Variants in ZNF233 observed in about 807,000 individuals in gnomAD.
ZNF233 encodes the protein zinc finger protein 233.
In ZNF233, 7 loss-of-function variants were observed where a neutral mutation model predicts 11.6. The ratio of observed to expected loss-of-function variants is 0.60; its 90% CI spans 0.34 to 1.13. The LOEUF (loss-of-function observed/expected upper bound fraction) is 1.13. ZNF233 is among the 50% of genes most tolerant of loss of function. The pLI is 0.03. For missense variants in ZNF233, 711 were observed against 785.5 expected (o/e 0.91, Z 1.13); for synonymous variants, 226 against 268.5 (o/e 0.84, Z 1.55).
At chr19:44,265,805 G>C (rs536666074) in intron 2 of ZNF233, among the ~76,000 whole-genome samples, 3 of 152,270 alleles carry the variant, frequency 2.0e-5, no homozygotes, top group South Asian at 4.1e-4. Flanking sequence ...TACTATAAAC[G>C]TGCATGTACA....
At position 44,274,711 on chromosome 19, in the gene ZNF233, G is replaced by A; in HGVS notation, c.*38G>A. ...TATTAATCATGATGAGTGTGATAGG[G>A]GTGCTCTTCAAGACTTAGACTTCCC... On this transcript the variant is annotated 3_prime_UTR_variant, in exon 5 of 5. Transcript: ENST00000683810. 6.7e-7 allele frequency: 1 copy of A among 1,483,392 alleles called. No homozygotes were observed. Among genetic ancestry groups the A allele is most frequent in the Non-Finnish European group, 9.1e-7 (1 of 1,100,078 alleles). 91.9% of individuals were successfully genotyped at this position (1,483,392 alleles called of 1,614,324 possible).
chr19:44,260,084 C>T (rs1164469277), intron 1 of ZNF233, 146 bp downstream of exon 1: 1 of 289,124 alleles, frequency 3.5e-6, no homozygotes, highest in Non-Finnish European at 7.1e-6. Flanking sequence ...TAGGGCGGTG[C>T]ATGGGTCTCC....
In ZNF233 at chr19:44,273,323, A is replaced by G; in HGVS notation, c.663A>G (p.Gln221=). Residue 221 remains glutamine (Q), a synonymous_variant, in exon 5 of 5, where the codon CAA becomes CAG. Coordinates refer to ENST00000683810, the MANE Select transcript of ZNF233 (RefSeq NM_001207005.2). The part of the protein sequence containing the change: ...DHCVRQRIAH[Q]HDDHGVHKRE... ...GTGTTAGGCAAAGAATTGCTCATCA[A>G]CATGATGATCATGGAGTACACAAAA... is the stretch of plus-strand genomic sequence containing the variant. 1 of 1,614,196 alleles carries G rather than the reference A, an allele frequency of 6.2e-7. No individual in the cohort carries two copies. Among genetic ancestry groups the G allele is most frequent in the Non-Finnish European group, 8.5e-7 (1 of 1,180,036 alleles).
intron 1 of ZNF233, among the ~76,000 whole-genome samples, chr19:44,263,840 G>T (rs1345373010): frequency 6.6e-6 from 1 of 152,230 alleles, no homozygotes; most frequent in Non-Finnish European, 1.5e-5. Context: ...AATATCATCT[G>T]CTTTTCTGCA....
Position 44,274,658 on chromosome 19 carries a change from A to G in ZNF233, c.1998A>G (p.Ser666=). 1 of 1,601,804 alleles carries G rather than the reference A, an allele frequency of 6.2e-7. No homozygotes were observed. Among genetic ancestry groups the G allele is most frequent in the Non-Finnish European group, 8.5e-7 (1 of 1,172,272 alleles). The change falls in exon 5 of 5, where the codon TCA becomes TCG. Residue 666 remains serine (S), a synonymous_variant. Coordinates refer to ENST00000683810, the MANE Select transcript of ZNF233 (RefSeq NM_001207005.2). ...GTAAGAGTTCGTTGTCTTCAGATTC[A>G]TCAGAGAGTCCATGATGGTGATGAA... The part of the protein sequence containing the change: ...GFSKSSLSSD[S]SESP
At chr19:44,268,405 A>G (rs1975151125) in intron 4 of ZNF233, among the ~76,000 whole-genome samples, 5 of 152,078 alleles carry the variant, frequency 3.3e-5, no homozygotes, top group Admixed American at 3.3e-4. Flanking sequence ...GCTGGAGTGC[A>G]GTGATACAAT....
intron 1 of ZNF233, among the ~76,000 whole-genome samples, chr19:44,260,934 C>T (rs535030631): frequency 1.3e-5 from 2 of 152,232 alleles, no homozygotes; most frequent in Admixed American, 6.5e-5. Context: ...GCCAGGGTCT[C>T]TTCTATAGGC....
At position 44,273,810 on chromosome 19, in the gene ZNF233, G is replaced by C; in HGVS notation, c.1150G>C (p.Asp384His). 1 of 1,614,072 alleles carries C rather than the reference G, an allele frequency of 6.2e-7. No individual in the cohort carries two copies. The highest frequency in any genetic ancestry group is 8.5e-7 in the Non-Finnish European group (1 of 1,180,012). The change falls in exon 5 of 5, where the codon GAT (aspartate) becomes CAT (histidine). Residue 384 changes from aspartate to histidine, a missense_variant. Coordinates refer to ENST00000683810, the MANE Select transcript of ZNF233 (RefSeq NM_001207005.2). Reference sequence around the variant, plus strand: ...TGGGAAGGGCTTCCATCATAGCTTAGATTTTGACATTCACTGTGTAGACAG... The same window carrying C: ...TGGGAAGGGCTTCCATCATAGCTTACATTTTGACATTCACTGTGTAGACAG... ...RCGKGFHHSL[D>H]FDIHCVDSAG...
At position 44,273,541 on chromosome 19, in the gene ZNF233, G is replaced by A. The variant is rs1975302626; in HGVS notation, c.881G>A (p.Gly294Asp). Residue 294 changes from glycine (G) to aspartate (D), a missense_variant, in exon 5 of 5, where the codon GGC (glycine) becomes GAC (aspartate). Transcript: ENST00000683810. Reference protein sequence around the residue: ...KPHVNVEYGKGIGYSSGLPRH... With the variant: ...KPHVNVEYGKDIGYSSGLPRH... ...CATGTAAATGTTGAGTACGGGAAGG[G>A]CATAGGTTACAGCTCAGGGCTTCCC... 6.2e-7 allele frequency: 1 copy of A among 1,614,194 alleles called. No individual in the cohort carries two copies. Among genetic ancestry groups the A allele is most frequent in the Middle Eastern group, 1.6e-4 (1 of 6,062 alleles).
rs752508867 is a variant in ZNF233 at position 44,273,904 on chromosome 19, C to T, written c.1244C>T (p.Ala415Val). 5.0e-6 allele frequency: 8 copies of T among 1,614,182 alleles called. No individual in the cohort carries two copies. The highest frequency in any genetic ancestry group is 6.8e-6 in the Non-Finnish European group (8 of 1,180,048). The change falls in exon 5 of 5, where the codon GCC (alanine) becomes GTC (valine). Residue 415 changes from alanine to valine, a missense_variant. Physicochemically the swap from Ala to Val is moderately conservative, Grantham distance 64. Transcript: ENST00000683810. Reference protein sequence around the residue: ...KGFSQTSQLQAHQRGHSRDKT... With the variant: ...KGFSQTSQLQVHQRGHSRDKT... ...TTCAGTCAGACATCACAACTTCAAG[C>T]CCATCAGAGAGGTCACTCTAGAGAC...
At chr19:44,268,786 TCTTC>T (rs1168864966) in intron 4 of ZNF233, among the ~76,000 whole-genome samples, 16 of 152,160 alleles carry the variant, frequency 1.1e-4, no homozygotes, top group African/African-American at 2.7e-4. Flanking sequence ...CTATTCTTTC[TCTTC>T]CTTATTTCAT....
Position 44,273,791 on chromosome 19 carries a change from G to A in ZNF233, c.1131G>A (p.Lys377=), listed in dbSNP as rs1975311220. The change falls in exon 5 of 5, where the codon AAG becomes AAA. Residue 377 remains lysine, a synonymous_variant. Coordinates refer to ENST00000683810, the MANE Select transcript of ZNF233 (RefSeq NM_001207005.2). ...EKLCTCGRCG[K]GFHHSLDFDI... Reference sequence around the variant, plus strand: ...TGTGTACATGTGGCAGGTGTGGGAAGGGCTTCCATCATAGCTTAGATTTTG... The same window carrying A: ...TGTGTACATGTGGCAGGTGTGGGAAAGGCTTCCATCATAGCTTAGATTTTG... The A allele has an allele frequency of 1.9e-6, 3 of 1,614,062 alleles. No individual in the cohort carries two copies. The Admixed American group carries it at 5.0e-5, about 27-fold the overall frequency.
chr19:44,263,288 C>T (rs535156896), intron 1 of ZNF233, among the ~76,000 whole-genome samples: 1 of 152,284 alleles, frequency 6.6e-6, no homozygotes, highest in East Asian at 1.9e-4. Flanking sequence ...GTATCACCCC[C>T]AAAAGAAACC....
intron 4 of ZNF233, chr19:44,267,287 C>A: frequency 2.5e-6 from 1 of 403,702 alleles, no homozygotes; most frequent in Non-Finnish European, 4.4e-6. Flanking sequence ...CTATCCTTTG[C>A]TTTTCACTCA....
chr19:44,266,909 A>C lies in ZNF233; in HGVS notation c.186A>C (p.Lys62Asn), dbSNP rs754445299. 2 of 1,614,088 alleles carry C rather than the reference A, an allele frequency of 1.2e-6. No individual in the cohort carries two copies. Among genetic ancestry groups the C allele is most frequent in the South Asian group, 2.2e-5 (2 of 91,068 alleles). Residue 62 changes from lysine to asparagine, a missense_variant, in exon 4 of 5, where the codon AAA (lysine) becomes AAC (asparagine). Transcript: ENST00000683810. ...TAGATGTGATATTACAGTTGGGAAA[A>C]GAAGACAAGCTTCGGATGATGGAGA... ...FKLDVILQLG[K>N]EDKLRMMETE...
chr19:44,266,927 G>A lies in ZNF233; in HGVS notation c.204G>A (p.Met68Ile). 6.2e-7 allele frequency: 1 copy of A among 1,614,046 alleles called. No homozygotes were observed. Among genetic ancestry groups the A allele is most frequent in the Non-Finnish European group, 8.5e-7 (1 of 1,179,954 alleles). The change falls in exon 4 of 5, where the codon ATG becomes ATA. Residue 68 changes from methionine to isoleucine, a missense_variant. Met to Ile is a conservative substitution (Grantham distance 10). Coordinates refer to ENST00000683810, the MANE Select transcript of ZNF233 (RefSeq NM_001207005.2). ...TGGGAAAAGAAGACAAGCTTCGGAT[G>A]ATGGAGACAGAAATCCAAGGAGATG... is the stretch of plus-strand genomic sequence containing the variant. ...LQLGKEDKLR[M>I]METEIQGDGC...
chr19:44,272,637 A>G (rs1975267648), intron 4 of ZNF233, among the ~76,000 whole-genome samples: 1 of 152,124 alleles, frequency 6.6e-6, no homozygotes, highest in South Asian at 2.1e-4. Context: ...CGGGAGGCCG[A>G]GGCAGGAGAA....
At position 44,259,948 on chromosome 19, in the gene ZNF233, C is replaced by A. The variant is rs1266531969; in HGVS notation, c.-48+10C>A. On this transcript the variant is annotated intron_variant, in intron 1 of 4. Coordinates refer to ENST00000683810, the MANE Select transcript of ZNF233 (RefSeq NM_001207005.2). ...CTATCCCCTCTGGGAGGTGAGTCAG[C>A]GCGGAACCTCTGCATCTACGGCGAG... 2.2e-6 allele frequency: 1 copy of A among 455,560 alleles called. No individual in the cohort carries two copies. The highest frequency in any genetic ancestry group is 1.6e-5 in the South Asian group (1 of 64,424). 28.2% of individuals were successfully genotyped at this position (455,560 alleles called of 1,614,324 possible). A position where few individuals can be genotyped will look rare whatever the true frequency, so the allele number is the denominator to read the frequency against.
rs141851681 is a variant in ZNF233 at position 44,274,452 on chromosome 19, A to T, written c.1792A>T (p.Arg598Trp). 9.9e-5 allele frequency: 159 copies of T among 1,613,692 alleles called. No individual in the cohort carries two copies. Among genetic ancestry groups the T allele is most frequent in the Non-Finnish European group, 1.3e-4 (154 of 1,179,942 alleles). The stretch of plus-strand genomic sequence containing the variant: ...GAAACCATACAAATGTGAAGAATGT[A>T]GGAAAGGCTTCATCTGGAACTCATA... ...GEKPYKCEEC[R>W]KGFIWNSYLH... The change falls in exon 5 of 5, where the codon AGG becomes TGG. Residue 598 changes from arginine to tryptophan, a missense_variant. Transcript: ENST00000683810.
Sources: allele counts gnomAD v4.1 joint callset (sites outside exome capture counted in the v4.1 genomes callset), GRCh38; gene constraint gnomAD v4.1.1; transcripts MANE v1.5; gene names NCBI Gene and HGNC (gene_info 2026-07-23, HGNC 2026-07-21).